RIMS1: variants seen among roughly 807,000 people sequenced by gnomAD.
The protein encoded by RIMS1 is regulating synaptic membrane exocytosis protein 1.
Under a neutral mutation model 214.1 loss-of-function variants are expected in RIMS1, and 83 were observed. The observed-to-expected ratio is 0.39, with a 90% confidence interval of 0.32 to 0.47. The LOEUF is 0.47. RIMS1 is among the 20% of genes least tolerant of loss of function. The pLI, the probability that RIMS1 is intolerant of heterozygous loss-of-function variation, is 0.99. For synonymous variants in RIMS1, 793 were observed against 786.8 expected (o/e 1.01, Z -0.13); for missense variants, 2,050 against 2,161.8 (o/e 0.95, Z 1.03).
chr6:72,047,147 T>C (rs948581573), intron 2 of RIMS1, among the ~76,000 whole-genome samples: 7 of 152,230 alleles, frequency 4.6e-5, no homozygotes, highest in Admixed American at 1.3e-4. Context: ...GTTTCTAGTT[T>C]TAGCTCCTCA....
intron 2 of RIMS1, among the ~76,000 whole-genome samples, chr6:72,046,222 C>T (rs559231117): frequency 3.3e-5 from 5 of 152,058 alleles, no homozygotes; most frequent in Admixed American, 6.6e-5. Context: ...TTTCTATTTA[C>T]GTAACCCTCT....
chr6:72,005,766 A>T (rs1374443751), intron 2 of RIMS1, among the ~76,000 whole-genome samples: 1 of 152,240 alleles, frequency 6.6e-6, no homozygotes, highest in Non-Finnish European at 1.5e-5. Context: ...AGATAAAGTA[A>T]GGAATTCGAT....
intron 4 of RIMS1, among the ~76,000 whole-genome samples, chr6:72,149,698 C>T (rs943734216): frequency 6.6e-6 from 1 of 152,294 alleles, no homozygotes; most frequent in Admixed American, 6.5e-5. Context: ...ATTCACTCAC[C>T]CTCTGACAAT....
intron 1 of RIMS1, among the ~76,000 whole-genome samples, chr6:71,940,771 G>T (rs1296113123): frequency 6.6e-6 from 1 of 152,094 alleles, no homozygotes; most frequent in African/African-American, 2.4e-5. Context: ...TGGAAGTTAG[G>T]TTTCCCCATT....
At chr6:72,296,817 C>T (rs1396897050) in intron 26 of RIMS1, among the ~76,000 whole-genome samples, 2 of 151,834 alleles carry the variant, frequency 1.3e-5, no homozygotes, top group African/African-American at 4.8e-5. Flanking sequence ...TAACATCATT[C>T]CTATTTTAGG....
intron 26 of RIMS1, among the ~76,000 whole-genome samples, chr6:72,303,491 T>C (rs1420592341): frequency 2.0e-5 from 3 of 151,358 alleles, no homozygotes; most frequent in African/African-American, 7.2e-5. Context: ...ATTGTAATAA[T>C]TACAGTACTT....
At chr6:72,086,019 T>C in intron 2 of RIMS1, among the ~76,000 whole-genome samples, 1 of 152,296 alleles carries the variant, frequency 6.6e-6, no homozygotes, top group East Asian at 1.9e-4. Context: ...CTCCTGTGTC[T>C]ATATTTTCCC....
chr6:72,266,098 T>G, intron 22 of RIMS1, 49 bp downstream of exon 22: 1 of 1,316,918 alleles, frequency 7.6e-7, no homozygotes, highest in Non-Finnish European at 1.1e-6. Context: ...ACTAGTGATT[T>G]TTTTCAGTCA....
At chr6:72,316,395 G>A (rs1593173152) in intron 28 of RIMS1, among the ~76,000 whole-genome samples, 1 of 152,194 alleles carries the variant, frequency 6.6e-6, no homozygotes, top group Non-Finnish European at 1.5e-5. Context: ...AGGGGAAACA[G>A]AGGCATGACC....
At position 72,401,487 on chromosome 6, in the gene RIMS1, C is replaced by G; in HGVS notation, c.*773C>G. On this transcript the variant is annotated 3_prime_UTR_variant, in exon 34 of 34. Transcript: ENST00000521978. ...CAGAAGTACTTTTTTAATGAAGAGC[C>G]TATCTGTTTGCATTCTAGAAAATTA... is the stretch of plus-strand genomic sequence containing the variant. The G allele has an allele frequency of 6.6e-6, 1 of 152,518 alleles. No individual in the cohort carries two copies. Among genetic ancestry groups the G allele is most frequent in the East Asian group, 1.9e-4 (1 of 5,200 alleles). 9.4% of individuals were successfully genotyped at this position (152,518 alleles called of 1,614,324 possible).
chr6:72,358,813 G>A (rs952658171), intron 29 of RIMS1, among the ~76,000 whole-genome samples: 1 of 152,144 alleles, frequency 6.6e-6, no homozygotes, highest in Non-Finnish European at 1.5e-5. Flanking sequence ...GGGAAGTTTA[G>A]TGGTACAGTG....
At chr6:72,355,651 A>T (rs1011578243) in intron 29 of RIMS1, among the ~76,000 whole-genome samples, 1 of 152,148 alleles carries the variant, frequency 6.6e-6, no homozygotes, top group Non-Finnish European at 1.5e-5. Flanking sequence ...CCAGTTCGAG[A>T]TGTTGGATAT....
intron 11 of RIMS1, 143 bp downstream of exon 11, chr6:72,246,004 T>C (rs1312473412): frequency 1.8e-6 from 1 of 564,024 alleles, no homozygotes; most frequent in Non-Finnish European, 3.1e-6. Context: ...TTGGCAATGA[T>C]GGCAATAACT....
chr6:72,338,799 T>TTTAAAC (rs1471805897), intron 29 of RIMS1, among the ~76,000 whole-genome samples: 1 of 151,134 alleles, frequency 6.6e-6, no homozygotes, highest in Non-Finnish European at 1.5e-5. Context: ...TGGGCCTGAA[T>TTTAAAC]TTAAACCCAG....
Position 71,951,022 on chromosome 6 carries a change from TA to T in RIMS1, c.165-17958del, listed in dbSNP as rs565847434. ...TTAAATAGCTGTAAATCTTGGCATT[TA>T]AATTCTTTCTTAAAATCAGCATGCA... is the stretch of plus-strand genomic sequence containing the variant. On this transcript the variant is annotated intron_variant, in intron 1 of 33. Transcript: ENST00000521978. 1.5e-3 allele frequency among the ~76,000 whole-genome samples: 231 copies of T among 152,332 alleles called. 2 individuals are homozygous for T. Among genetic ancestry groups the T allele is most frequent in the African/African-American group, 5.4e-3 (225 of 41,586 alleles).
chr6:72,010,654 G>T (rs1303274463), intron 2 of RIMS1, among the ~76,000 whole-genome samples: 1 of 151,998 alleles, frequency 6.6e-6, no homozygotes, highest in Non-Finnish European at 1.5e-5. Context: ...AAATCAATGT[G>T]CAAAAATCAA....
At chr6:71,919,144 T>C (rs1779260270) in intron 1 of RIMS1, among the ~76,000 whole-genome samples, 1 of 152,134 alleles carries the variant, frequency 6.6e-6, no homozygotes, top group Non-Finnish European at 1.5e-5. Context: ...GGTATTAAAA[T>C]AGCACAGGCA....
chr6:72,202,147 A>G (rs561611339), intron 6 of RIMS1, among the ~76,000 whole-genome samples: 11 of 152,314 alleles, frequency 7.2e-5, no homozygotes, highest in African/African-American at 2.4e-4. Context: ...TCTAATTTTA[A>G]TTCCAGTAAA....
At chr6:72,399,506 A>G (rs972595043) in intron 33 of RIMS1, among the ~76,000 whole-genome samples, 2 of 152,180 alleles carry the variant, frequency 1.3e-5, no homozygotes, top group Admixed American at 6.6e-5. Flanking sequence ...GCATTGCTAT[A>G]TACCAAACAT....
Sources: gnomAD v4.1 joint callset for allele counts (sites outside exome capture counted in the v4.1 genomes callset) on GRCh38, gnomAD v4.1.1 for gene constraint, MANE v1.5 for transcripts, NCBI Gene and HGNC (gene_info 2026-07-23, HGNC 2026-07-21) for gene names.